Variants in NAALADL2 observed in about 807,000 individuals in gnomAD.
NAALADL2 encodes the protein inactive N-acetylated-alpha-linked acidic dipeptidase-like protein 2.
A neutral mutation model predicts 87.2 loss-of-function variants in NAALADL2; 76 were observed. The ratio of observed to expected loss-of-function variants is 0.87; its 90% CI spans 0.72 to 1.05. The LOEUF is 1.05. Ranked by LOEUF, NAALADL2 falls within the 50% of genes least tolerant of loss-of-function variation. NAALADL2 has a pLI of 0.00. For missense variants in NAALADL2, 1,089 were observed against 945.8 expected (o/e 1.15, Z -1.99); for synonymous variants, 354 against 331.0 (o/e 1.07, Z -0.75).
chr3:174,885,911 T>G (rs1439430018), intron 1 of NAALADL2, among the ~76,000 whole-genome samples: 1 of 46,986 alleles, frequency 2.1e-5, no homozygotes, highest in East Asian at 6.2e-4. Context: ...TTTTTTTTTT[T>G]TTTTTTTTTT....
Position 174,609,190 on chromosome 3 carries a change from A to G in NAALADL2, c.-115+58553A>G, listed in dbSNP as rs1309706059. On this transcript the variant is annotated intron_variant, in intron 2 of 3. Coordinates refer to the NAALADL2 transcript ENST00000434257. ...AAAATAATAAGAGCTATCTATGACA[A>G]CCCCACAGCCAATATCATATTGAAT... 5.9e-5 allele frequency among the ~76,000 whole-genome samples: 9 copies of G among 152,148 alleles called. No individual in the cohort carries two copies. In the South Asian group the frequency reaches 6.2e-4, roughly 11 times the overall value.
At chr3:174,883,192 G>T (rs1346435577) in intron 1 of NAALADL2, among the ~76,000 whole-genome samples, 1 of 151,914 alleles carries the variant, frequency 6.6e-6, no homozygotes, top group African/African-American at 2.4e-5. Context: ...CAGATTAAGG[G>T]GGGGTCTGCC....
intron 1 of NAALADL2, among the ~76,000 whole-genome samples, chr3:174,940,470 T>G (rs116287970): frequency 0.012 from 1,752 of 152,272 alleles, 40 homozygotes; most frequent in African/African-American, 0.041. Context: ...CCTGAAATTT[T>G]CTTTTTTCAT....
At chr3:175,784,086 G>C (rs1751551047) in intron 13 of NAALADL2, among the ~76,000 whole-genome samples, 1 of 149,670 alleles carries the variant, frequency 6.7e-6, no homozygotes, top group Non-Finnish European at 1.5e-5. Context: ...TTTTTGATGT[G>C]CTGCTGGATT....
chr3:174,971,663 G>A lies in NAALADL2; in HGVS notation c.43+112213G>A, dbSNP rs201689867. Reference sequence around the variant, plus strand: ...TTCAACTCAAACAGTCAGTATGCTAGACTGTGTGTGTGTGTGTGTGTGTGT... The same window carrying A: ...TTCAACTCAAACAGTCAGTATGCTAAACTGTGTGTGTGTGTGTGTGTGTGT... On this transcript the variant is annotated intron_variant, in intron 1 of 13. Transcript: ENST00000454872. Among the ~76,000 whole-genome samples, 109 of 124,950 alleles carry A rather than the reference G, an allele frequency of 8.7e-4. 5 individuals are homozygous for A. The East Asian group carries it at 0.026, about 29-fold the overall frequency. The allele number at this position is 124,950 out of a possible 152,430, so 82.0% of individuals were successfully genotyped here.
At chr3:175,301,195 T>C (rs1326541204) in intron 4 of NAALADL2, among the ~76,000 whole-genome samples, 1 of 152,180 alleles carries the variant, frequency 6.6e-6, no homozygotes, top group Non-Finnish European at 1.5e-5. Context: ...TCCTGCTTTC[T>C]CCTGTGGGCA....
At chr3:175,540,700 G>A (rs1482068353) in intron 9 of NAALADL2, among the ~76,000 whole-genome samples, 1 of 152,044 alleles carries the variant, frequency 6.6e-6, no homozygotes, top group Non-Finnish European at 1.5e-5. Flanking sequence ...TGAGAGTAGG[G>A]TTGACAGGCT....
chr3:175,031,121 A>C (rs1752748794), intron 1 of NAALADL2, among the ~76,000 whole-genome samples: 1 of 152,002 alleles, frequency 6.6e-6, no homozygotes, highest in Non-Finnish European at 1.5e-5. Flanking sequence ...TTGTTTTTTA[A>C]AATTTTTTAT....
intron 1 of NAALADL2, among the ~76,000 whole-genome samples, chr3:175,093,168 T>A (rs1720462397): frequency 6.6e-6 from 1 of 151,710 alleles, no homozygotes. Context: ...ATTATGTGAT[T>A]ATGTGTAAGA....
chr3:175,519,190 G>A lies in NAALADL2; in HGVS notation c.1653+47432G>A, dbSNP rs144887184. Reference sequence around the variant, plus strand: ...CCAAGTAGGTCAGATTTTCTTTATGGCCAATTTGTACTTAGAAAGGCAGAG... The same window carrying A: ...CCAAGTAGGTCAGATTTTCTTTATGACCAATTTGTACTTAGAAAGGCAGAG... On this transcript the variant is annotated intron_variant, in intron 9 of 13. Transcript: ENST00000454872. Among the ~76,000 whole-genome samples the A allele has an allele frequency of 5.9e-5, 9 of 152,214 alleles. No individual in the cohort carries two copies. In the East Asian group the frequency reaches 1.7e-3, roughly 29 times the overall value.
intron 2 of NAALADL2, among the ~76,000 whole-genome samples, chr3:174,625,057 C>CTCTCTCTCTCTTTT (rs748895219): frequency 5.1e-5 from 4 of 78,858 alleles, no homozygotes; most frequent in African/African-American, 2.0e-4. Context: ...CTCTCTCTCT[C>CTCTCTCTCTCTTTT]TTTTTTTTTT....
intron 1 of NAALADL2, among the ~76,000 whole-genome samples, chr3:174,457,073 A>G (rs1715889611): frequency 6.6e-6 from 1 of 152,202 alleles, no homozygotes; most frequent in South Asian, 2.1e-4. Context: ...AAAAGATAGG[A>G]TACATATGGT....
At chr3:175,318,568 C>G (rs536801163) in intron 4 of NAALADL2, among the ~76,000 whole-genome samples, 131 of 152,190 alleles carry the variant, frequency 8.6e-4, no homozygotes, top group Middle Eastern at 3.4e-3. Context: ...GAACAATACT[C>G]CCACCTACAG....
intron 3 of NAALADL2, among the ~76,000 whole-genome samples, chr3:174,765,137 CACACACGAGA>C (rs770064707): frequency 4.7e-5 from 6 of 128,300 alleles, no homozygotes; most frequent in South Asian, 5.3e-4. Flanking sequence ...CACACACACA[CACACACGAGA>C]GAGAGAGAGA....
chr3:174,730,453 A>G (rs937928933), intron 2 of NAALADL2, among the ~76,000 whole-genome samples: 2 of 152,100 alleles, frequency 1.3e-5, no homozygotes, highest in Admixed American at 1.3e-4. Context: ...GCATGTCTGA[A>G]CACTTTTCCT....
chr3:175,404,849 C>T (rs1698254059), intron 5 of NAALADL2, among the ~76,000 whole-genome samples: 2 of 152,140 alleles, frequency 1.3e-5, no homozygotes, highest in East Asian at 3.8e-4. Flanking sequence ...TGGCAACACA[C>T]ATTTCTGGGA....
At chr3:175,278,189 C>T (rs1753849343) in intron 4 of NAALADL2, among the ~76,000 whole-genome samples, 1 of 152,154 alleles carries the variant, frequency 6.6e-6, no homozygotes, top group Non-Finnish European at 1.5e-5. Flanking sequence ...GAATTCCCTA[C>T]TACATGATAA....
intron 1 of NAALADL2, among the ~76,000 whole-genome samples, chr3:174,900,200 A>T (rs931106764): frequency 2.0e-5 from 3 of 152,100 alleles, no homozygotes; most frequent in Admixed American, 2.0e-4. Flanking sequence ...AGAATTTTAT[A>T]AACTATCACA....
chr3:175,193,180 C>A (rs1225541035), intron 2 of NAALADL2, among the ~76,000 whole-genome samples: 1 of 151,484 alleles, frequency 6.6e-6, no homozygotes, highest in African/African-American at 2.4e-5. Context: ...GTTAGAAGCC[C>A]TACATAGATT....
Sources: allele counts gnomAD v4.1 joint callset (sites outside exome capture counted in the v4.1 genomes callset), GRCh38; gene constraint gnomAD v4.1.1; transcripts MANE v1.5; gene names NCBI Gene and HGNC (gene_info 2026-07-23, HGNC 2026-07-21).